Variants in TFRC observed in about 807,000 individuals in gnomAD.
TFRC encodes transferrin receptor protein 1.
A neutral mutation model predicts 85.8 loss-of-function variants in TFRC; 35 were observed. The ratio of observed to expected loss-of-function variants is 0.41; its 90% CI spans 0.31 to 0.54. TFRC has a LOEUF of 0.54. Ranked by LOEUF, TFRC falls within the 20% of genes least tolerant of loss-of-function variation. TFRC has a pLI of 0.31. For missense variants in TFRC, 828 were observed against 921.5 expected (o/e 0.90, Z 1.31); for synonymous variants, 362 against 328.6 (o/e 1.10, Z -1.10).
rs139167593 is a variant in TFRC, at chr3:196,049,839, T to C, written c.*2103A>G. On this transcript the variant is annotated 3_prime_UTR_variant, in exon 19 of 19. Transcript: ENST00000360110. The stretch of plus-strand genomic sequence containing the variant: ...AACTGAAGATTAAAGAGACTGTGAG[T>C]AGTGACACATTCAAGTGAGGCTGTA... 93 of 230,862 alleles carry C rather than the reference T, an allele frequency of 4.0e-4. 1 individual carries two copies. Among genetic ancestry groups the C allele is most frequent in the African/African-American group, 1.6e-3 (73 of 45,328 alleles). 14.3% of individuals were successfully genotyped at this position (230,862 alleles called of 1,614,324 possible). A position where few individuals can be genotyped will look rare whatever the true frequency, so the allele number is the denominator to read the frequency against.
chr3:196,076,977 G>C (rs1474388351), intron 2 of TFRC, 87 bp downstream of exon 2: 1 of 1,227,660 alleles, frequency 8.1e-7, no homozygotes, highest in Non-Finnish European at 1.2e-6. Flanking sequence ...ATAGATTGGG[G>C]TTATTATTTC....
chr3:196,055,041 A>G lies in TFRC; in HGVS notation c.1899+39T>C, dbSNP rs987745150. The G allele has an allele frequency of 2.5e-6, 4 of 1,586,810 alleles. No individual in the cohort carries two copies. In the African/African-American group the frequency reaches 5.4e-5, roughly 21 times the overall value. ...CACATCACATTTCAAAATACTTGAC[A>G]TTCAGCAAAATAAAAACGTAATTGG... On this transcript the variant is annotated intron_variant, in intron 17 of 18. Coordinates refer to ENST00000360110, the MANE Select transcript of TFRC (RefSeq NM_001128148.3).
At chr3:196,059,535 C>T (rs138087747) in intron 14 of TFRC, among the ~76,000 whole-genome samples, 106 of 152,282 alleles carry the variant, frequency 7.0e-4, no homozygotes, top group African/African-American at 2.3e-3. Flanking sequence ...TGCTATCTGA[C>T]CTGTTTCTAA....
intron 4 of TFRC, 50 bp downstream of exon 4, chr3:196,073,879 CA>C (rs1453853991): frequency 1.3e-6 from 2 of 1,560,248 alleles, no homozygotes; most frequent in Non-Finnish European, 1.7e-6. Flanking sequence ...CGTGGCCTAT[CA>C]TAATTCTTGA....
chr3:196,073,003 C>G (rs868108170), intron 4 of TFRC: 1 of 140,626 alleles, frequency 7.1e-6, no homozygotes. Context: ...AGTTAGACAC[C>G]AGCCTGGCCA....
At chr3:196,065,667 T>G (rs1717679001) in intron 9 of TFRC, 67 bp from the exon 10 acceptor site, 1 of 1,489,558 alleles carries the variant, frequency 6.7e-7, no homozygotes, top group African/African-American at 1.4e-5. Flanking sequence ...TCCTGTCCAG[T>G]GAAGTTACAG....
intron 2 of TFRC, among the ~76,000 whole-genome samples, 183 bp downstream of exon 2, chr3:196,076,881 A>G (rs1718749691): frequency 6.6e-6 from 1 of 152,216 alleles, no homozygotes; most frequent in Non-Finnish European, 1.5e-5. Flanking sequence ...AAGACTTTCC[A>G]TAATTAACCC....
At chr3:196,075,464 A>G in intron 2 of TFRC, 104 bp from the exon 3 acceptor site, 5 of 1,125,330 alleles carry the variant, frequency 4.4e-6, no homozygotes, top group Non-Finnish European at 6.6e-6. Context: ...AACTTGCTAT[A>G]TATTCCTTAG....
At chr3:196,067,792 A>G in intron 8 of TFRC, 135 bp from the exon 9 acceptor site, 1 of 1,002,316 alleles carries the variant, frequency 1.0e-6, no homozygotes, top group Non-Finnish European at 1.4e-6. Context: ...GTGGCTCTAC[A>G]ATGTGACTCC....
At chr3:196,070,984 G>T (rs1168560337) in intron 6 of TFRC, among the ~76,000 whole-genome samples, 1 of 152,022 alleles carries the variant, frequency 6.6e-6, no homozygotes, top group African/African-American at 2.4e-5. Flanking sequence ...AACGAATCAA[G>T]CTAAGACTAG....
At chr3:196,062,988 C>A (rs764868340) in intron 11 of TFRC, 49 bp from the exon 12 acceptor site, 3 of 1,485,892 alleles carry the variant, frequency 2.0e-6, no homozygotes, top group South Asian at 2.3e-5. Flanking sequence ...TATACACAGA[C>A]AAGGATGGAA....
At chr3:196,064,688 A>G (rs904208426) in intron 10 of TFRC, among the ~76,000 whole-genome samples, 5 of 152,198 alleles carry the variant, frequency 3.3e-5, no homozygotes, top group African/African-American at 4.8e-5. Context: ...ATTTCTTAGT[A>G]AGTGTTGGCT....
Position 196,069,609 on chromosome 3 carries a change from G to A in TFRC, c.688-41C>T, listed in dbSNP as rs369327641. 1.8e-5 allele frequency: 22 copies of A among 1,239,908 alleles called. 1 individual carries two copies. Among genetic ancestry groups the A allele is most frequent in the Middle Eastern group, 4.0e-4 (2 of 5,018 alleles). 76.8% of individuals were successfully genotyped at this position (1,239,908 alleles called of 1,614,324 possible). A position where few individuals can be genotyped will look rare whatever the true frequency, so the allele number is the denominator to read the frequency against. On this transcript the variant is annotated intron_variant, in intron 6 of 18. Transcript: ENST00000360110. ...TAGATTTAATGAGCATTATGGTATC[G>A]GAACAGCTCTAAAATCTTGAGACAG...
chr3:196,064,915 T>C (rs1323686372), intron 10 of TFRC, among the ~76,000 whole-genome samples: 1 of 152,230 alleles, frequency 6.6e-6, no homozygotes, highest in Non-Finnish European at 1.5e-5. Context: ...CTAGTCATAA[T>C]GGTCAATTTT....
intron 8 of TFRC, 26 bp downstream of exon 8, chr3:196,068,005 CG>C: frequency 6.3e-7 from 1 of 1,576,368 alleles, no homozygotes; most frequent in South Asian, 1.1e-5. Flanking sequence ...GAACTCAAAA[CG>C]GTGATTTACT....
At chr3:196,052,412 T>A (rs1346320859) in intron 18 of TFRC, among the ~76,000 whole-genome samples, 1 of 151,008 alleles carries the variant, frequency 6.6e-6, no homozygotes, top group Non-Finnish European at 1.5e-5. Context: ...CAATTCATGC[T>A]GGGATTACAG....
At position 196,052,315 on chromosome 3, in the gene TFRC, T is replaced by G. The variant is rs1057422380; in HGVS notation, c.2041-131A>C. 1.1e-3 allele frequency: 895 copies of G among 805,916 alleles called. 9 individuals are homozygous for G. Among genetic ancestry groups the G allele is most frequent in the South Asian group, 0.01 (548 of 52,410 alleles). The allele number at this position is 805,916 out of a possible 1,614,324, so 49.9% of individuals were successfully genotyped here. A position where few individuals can be genotyped will look rare whatever the true frequency, so the allele number is the denominator to read the frequency against. Reference sequence around the variant, plus strand: ...GACTTTTTTTTTTTTTTTTTTTTTTTGACACAGAGTTTCGCTCTTGTTGCC... The same window carrying G: ...GACTTTTTTTTTTTTTTTTTTTTTTGGACACAGAGTTTCGCTCTTGTTGCC... On this transcript the variant is annotated intron_variant, in intron 18 of 18. Transcript: ENST00000360110.
chr3:196,060,026 AATAGG>A (rs1406179705), intron 14 of TFRC, among the ~76,000 whole-genome samples, 149 bp downstream of exon 14: 1 of 152,190 alleles, frequency 6.6e-6, no homozygotes, highest in Non-Finnish European at 1.5e-5. Context: ...CATATGGTTC[AATAGG>A]CAAGTATCCC....
intron 6 of TFRC, among the ~76,000 whole-genome samples, chr3:196,070,377 G>A (rs1718087539): frequency 6.6e-6 from 1 of 151,232 alleles, no homozygotes; most frequent in Non-Finnish European, 1.5e-5. Flanking sequence ...CGATTCTCCT[G>A]CCCCAGCCTC....
Sources: gnomAD v4.1 joint callset for allele counts (sites outside exome capture counted in the v4.1 genomes callset) on GRCh38, gnomAD v4.1.1 for gene constraint, MANE v1.5 for transcripts, NCBI Gene and HGNC (gene_info 2026-07-23, HGNC 2026-07-21) for gene names.